The following ZNF569 variants were observed in gnomAD, a reference collection of about 807,000 sequenced individuals.
The protein encoded by ZNF569 is zinc finger protein 569.
Under a neutral mutation model 56.3 loss-of-function variants are expected in ZNF569, and 38 were observed. The ratio of observed to expected loss-of-function variants is 0.68; its 90% CI spans 0.52 to 0.88. The LOEUF is 0.88. Among genes scored for constraint, ZNF569 ranks in the 40% least tolerant of loss-of-function variants. The pLI, the probability that ZNF569 is intolerant of heterozygous loss-of-function variation, is 0.00. For missense variants in ZNF569, 666 were observed against 809.2 expected, an observed-to-expected ratio of 0.82 and a Z score of 2.15; for synonymous variants, 241 against 262.9, an observed-to-expected ratio of 0.92 and a Z score of 0.81.
intron 3 of ZNF569, 120 bp downstream of exon 3, chr19:37,444,787 T>C: frequency 2.8e-6 from 2 of 722,652 alleles, no homozygotes; most frequent in Non-Finnish European, 4.4e-6. Context: ...TCAACTCTAT[T>C]TCCCCTGAAA....
intron 3 of ZNF569, among the ~76,000 whole-genome samples, chr19:37,437,863 G>A (rs111495079): frequency 8.2e-6 from 1 of 122,698 alleles, no homozygotes; most frequent in African/African-American, 2.5e-5. Context: ...CTCATGGGTT[G>A]GAAGGATCAA....
intron 3 of ZNF569, among the ~76,000 whole-genome samples, chr19:37,428,943 G>A (rs1030185732): frequency 6.6e-6 from 1 of 151,820 alleles, no homozygotes; most frequent in Non-Finnish European, 1.5e-5. Flanking sequence ...AAAGTGCTGG[G>A]ATTACAGGTG....
intron 3 of ZNF569, 124 bp from the exon 4 acceptor site, chr19:37,426,502 T>C: frequency 9.5e-7 from 1 of 1,052,090 alleles, no homozygotes; most frequent in Non-Finnish European, 1.3e-6. Context: ...ATTAGCAGCA[T>C]CCTGTCATTT....
chr19:37,469,190 T>C (rs2041907694), upstream of ZNF569: 6 of 1,246,672 alleles, frequency 4.8e-6, no homozygotes, highest in Middle Eastern at 3.2e-4. Flanking sequence ...TGGGAGGACC[T>C]GGTGGGGAGG....
In ZNF569 at chr19:37,413,998, T is replaced by TC. The variant is rs2040885468; in HGVS notation, c.659dup (p.Ala222SerfsTer10). ...GTTTTTCCTTGTGACTGAAGGCTTT[T>TC]CTACAGTTACTACATTCATAGGGCT... is the stretch of plus-strand genomic sequence containing the variant. On this transcript the variant is annotated frameshift_variant, in exon 6 of 6. Coordinates refer to ENST00000316950, the MANE Select transcript of ZNF569 (RefSeq NM_152484.3). LOFTEE classifies it high-confidence loss of function. 6.2e-7 allele frequency: 1 copy of TC among 1,613,444 alleles called. No individual in the cohort carries two copies. The highest frequency in any genetic ancestry group is 1.3e-5 in the African/African-American group (1 of 74,902).
chr19:37,454,135 C>T (rs2041636271), intron 2 of ZNF569, among the ~76,000 whole-genome samples: 1 of 152,068 alleles, frequency 6.6e-6, no homozygotes, highest in African/African-American at 2.4e-5. Flanking sequence ...ACTGAGTGTA[C>T]CCCAGGCTTC....
intron 3 of ZNF569, among the ~76,000 whole-genome samples, chr19:37,435,033 G>C (rs562846924): frequency 4.1e-4 from 62 of 152,302 alleles, no homozygotes; most frequent in African/African-American, 1.4e-3. Flanking sequence ...GCTGAGGCAG[G>C]AGAATCGCTT....
intron 5 of ZNF569, among the ~76,000 whole-genome samples, chr19:37,418,814 C>A (rs763466804): frequency 6.6e-6 from 1 of 152,070 alleles, no homozygotes; most frequent in Non-Finnish European, 1.5e-5. Flanking sequence ...GTCAGGGACA[C>A]CAGGCAGAAG....
intron 3 of ZNF569, among the ~76,000 whole-genome samples, chr19:37,442,406 G>A (rs2041421378): frequency 6.6e-6 from 1 of 152,176 alleles, no homozygotes; most frequent in African/African-American, 2.4e-5. Context: ...GGAAAGGTTA[G>A]TGAGGGTGAA....
intron 2 of ZNF569, among the ~76,000 whole-genome samples, chr19:37,452,802 T>C (rs1289525476): frequency 1.3e-5 from 2 of 152,198 alleles, no homozygotes; most frequent in East Asian, 1.9e-4. Flanking sequence ...GTTTGTTTCA[T>C]TTTATTTTGT....
intron 2 of ZNF569, among the ~76,000 whole-genome samples, chr19:37,451,821 G>A (rs73631071): frequency 2.6e-5 from 4 of 152,220 alleles, no homozygotes; most frequent in Admixed American, 6.5e-5. Flanking sequence ...TATGTGTGCC[G>A]TTAAGATCTG....
At chr19:37,436,972 G>A (rs767833234) in intron 3 of ZNF569, among the ~76,000 whole-genome samples, 4 of 146,154 alleles carry the variant, frequency 2.7e-5, no homozygotes, top group Non-Finnish European at 3.0e-5. Context: ...CTCATTCCAG[G>A]AGGGCAATAT....
At position 37,413,545 on chromosome 19, in the gene ZNF569, TATA is replaced by T; in HGVS notation, c.1110_1112del (p.Ile371del). The T allele has an allele frequency of 3.1e-6, 5 of 1,613,044 alleles. No individual in the cohort carries two copies. The highest frequency in any genetic ancestry group is 3.4e-6 in the Non-Finnish European group (4 of 1,179,600). On this transcript the variant is annotated inframe_deletion, in exon 6 of 6. Transcript: ENST00000316950. ...TTTCACCTGTATGAATTCTAACATG[TATA>T]ATAAGCATGGAAAACTGAGAGAAGG... is the stretch of plus-strand genomic sequence containing the variant.
chr19:37,466,559 G>A (rs1373861495), intron 1 of ZNF569, among the ~76,000 whole-genome samples: 1 of 152,126 alleles, frequency 6.6e-6, no homozygotes, highest in African/African-American at 2.4e-5. Flanking sequence ...CCCAGGAGGC[G>A]GAGGTTGCGG....
At position 37,413,573 on chromosome 19, in the gene ZNF569, G is replaced by C. The variant is rs1431090558; in HGVS notation, c.1085C>G (p.Ala362Gly). The part of the protein sequence containing the change: ...KPYKCDKCGK[A>G]FSQFSMLIIH... ...AATAAGCATGGAAAACTGAGAGAAGGCTTTACCACATTTATCACATTTATA... is the reference window on the plus strand; with the variant it reads ...AATAAGCATGGAAAACTGAGAGAAGCCTTTACCACATTTATCACATTTATA... Residue 362 changes from alanine to glycine, a missense_variant, in exon 6 of 6, where the codon GCC (alanine) becomes GGC (glycine). Coordinates refer to ENST00000316950, the MANE Select transcript of ZNF569 (RefSeq NM_152484.3). 6.2e-7 allele frequency: 1 copy of C among 1,613,630 alleles called. No individual in the cohort carries two copies. The highest frequency in any genetic ancestry group is 8.5e-7 in the Non-Finnish European group (1 of 1,179,850).
chr19:37,441,807 T>C (rs564305052), intron 3 of ZNF569, among the ~76,000 whole-genome samples: 1 of 152,280 alleles, frequency 6.6e-6, no homozygotes, highest in African/African-American at 2.4e-5. Flanking sequence ...CCTTGGACCA[T>C]CACTGAGCTG....
chr19:37,467,474 G>A, upstream of ZNF569: 1 of 191,024 alleles, frequency 5.2e-6, no homozygotes, highest in South Asian at 1.2e-4. Flanking sequence ...AGGCCTTCGC[G>A]GCCCTACTTC....
At chr19:37,427,289 C>A (rs2041150506) in intron 3 of ZNF569, among the ~76,000 whole-genome samples, 1 of 151,840 alleles carries the variant, frequency 6.6e-6, no homozygotes, top group African/African-American at 2.4e-5. Flanking sequence ...TACACTCCAG[C>A]CTGGGTGGCA....
Position 37,412,433 on chromosome 19 carries a change from A to G in ZNF569, c.*164T>C. ...CTGGTAACAGCTTTTTCATTATATA[A>G]TTTGTCACCTTGGAAGAATTCTCTA... On this transcript the variant is annotated 3_prime_UTR_variant, in exon 6 of 6. Coordinates refer to ENST00000316950, the MANE Select transcript of ZNF569 (RefSeq NM_152484.3). The G allele has an allele frequency of 1.6e-6, 2 of 1,246,356 alleles. No homozygotes were observed. The highest frequency in any genetic ancestry group is 2.1e-6 in the Non-Finnish European group (2 of 970,860). 77.2% of individuals were successfully genotyped at this position (1,246,356 alleles called of 1,614,324 possible).
Sources: gnomAD v4.1 joint callset for allele counts (sites outside exome capture counted in the v4.1 genomes callset) on GRCh38, gnomAD v4.1.1 for gene constraint, MANE v1.5 for transcripts, NCBI Gene and HGNC (gene_info 2026-07-23, HGNC 2026-07-21) for gene names.